MAP3K15: variants seen among roughly 807,000 people sequenced by gnomAD.
MAP3K15 encodes MAPK/ERK kinase kinase 15.
In MAP3K15, 124 loss-of-function variants were observed where a neutral mutation model predicts 99.5. The observed-to-expected ratio is 1.25, with a 90% confidence interval of 1.08 to 1.45. The LOEUF is 1.45. Among genes scored for constraint, MAP3K15 ranks in the 40% most tolerant of loss-of-function variants. The pLI, the probability that MAP3K15 is intolerant of heterozygous loss-of-function variation, is 0.00. For synonymous variants in MAP3K15, 494 were observed against 439.6 expected (o/e 1.12, Z -1.55); for missense variants, 1,242 against 1,079.7 (o/e 1.15, Z -2.11).
chrX:19,496,611 A>C (rs372913113), intron 1 of MAP3K15: 1 of 111,504 alleles, frequency 9.0e-6, no homozygotes, highest in East Asian at 2.8e-4. Flanking sequence ...CACACGCTGC[A>C]GACCCTGACA....
At position 19,423,854 on chromosome X, in the gene MAP3K15, T is replaced by C. The variant is rs148109829; in HGVS notation, c.1439+1677A>G. Among the ~76,000 whole-genome samples the C allele has an allele frequency of 6.9e-3, 771 of 111,658 alleles. 7 individuals are homozygous for C. The highest frequency in any genetic ancestry group is 0.024 in the African/African-American group (745 of 30,744). The stretch of plus-strand genomic sequence containing the variant: ...TGTATCAGTTCGACCTCTAGAGAGG[T>C]TGGAGCTGAGGTATTAATATCAGCT... On this transcript the variant is annotated intron_variant, in intron 9 of 28. Coordinates refer to ENST00000338883, the MANE Select transcript of MAP3K15 (RefSeq NM_001001671.4).
intron 2 of MAP3K15, among the ~76,000 whole-genome samples, chrX:19,487,073 G>T (rs2064332087): frequency 1.1e-5 from 1 of 94,660 alleles, no homozygotes; most frequent in Non-Finnish European, 2.1e-5. Context: ...AGTAAATTTA[G>T]TATGATAATT....
chrX:19,456,595 C>A (rs1030341855), intron 6 of MAP3K15, among the ~76,000 whole-genome samples: 3 of 112,122 alleles, frequency 2.7e-5, no homozygotes, highest in Admixed American at 1.9e-4. Flanking sequence ...TACTTAAGAT[C>A]TGTGCATTTC....
At chrX:19,414,857 C>T (rs113582848) in intron 10 of MAP3K15, among the ~76,000 whole-genome samples, 3,131 of 111,451 alleles carry the variant, frequency 0.028, 115 homozygotes, top group African/African-American at 0.095. Context: ...AAAATGTCTC[C>T]GGACATTACC....
At chrX:19,431,373 C>T in intron 7 of MAP3K15, 65 bp downstream of exon 7, 2 of 1,063,040 alleles carry the variant, frequency 1.9e-6, no homozygotes, top group Non-Finnish European at 2.6e-6. Context: ...GATGCACATC[C>T]TTAGCCTATG....
intron 12 of MAP3K15, among the ~76,000 whole-genome samples, chrX:19,409,126 T>C (rs1301180123): frequency 1.8e-5 from 2 of 111,707 alleles, no homozygotes; most frequent in Non-Finnish European, 3.8e-5. Flanking sequence ...GTTGATGGTA[T>C]CCTAATTTCA....
At chrX:19,467,565 G>T (rs1444718146) in intron 3 of MAP3K15, among the ~76,000 whole-genome samples, 1 of 110,078 alleles carries the variant, frequency 9.1e-6, no homozygotes, top group Non-Finnish European at 1.9e-5. Context: ...ACAGGAGTTA[G>T]AGACCAGCCT....
intron 6 of MAP3K15, among the ~76,000 whole-genome samples, chrX:19,448,526 GA>G (rs2064017440): frequency 9.3e-6 from 1 of 107,733 alleles, no homozygotes. Context: ...TGTTATGGGG[GA>G]AAAAATACCT....
At chrX:19,442,717 CATT>C (rs150920455) in intron 6 of MAP3K15, among the ~76,000 whole-genome samples, 27 of 98,642 alleles carry the variant, frequency 2.7e-4, no homozygotes, top group South Asian at 9.6e-4. Flanking sequence ...TTATTATTAT[CATT>C]ATTATTATTA....
chrX:19,512,270 T>C (rs1312305408), intron 1 of MAP3K15, among the ~76,000 whole-genome samples: 1 of 111,552 alleles, frequency 9.0e-6, no homozygotes, highest in Admixed American at 9.5e-5. Context: ...CCATGGCACA[T>C]GTATACCTAT....
chrX:19,508,432 G>T (rs1466337729), intron 1 of MAP3K15, among the ~76,000 whole-genome samples: 3 of 112,397 alleles, frequency 2.7e-5, no homozygotes, highest in South Asian at 3.7e-4. Context: ...TCAGTCTCCC[G>T]AAGTGCTGGT....
At chrX:19,366,006 C>CA (rs1172350617) in intron 25 of MAP3K15, among the ~76,000 whole-genome samples, 2,791 of 19,654 alleles carry the variant, frequency 0.14, 315 homozygotes, top group African/African-American at 0.19. Context: ...GCCTCCATCT[C>CA]AAAAAAAAAA....
In MAP3K15 at chrX:19,407,231, C is replaced by G. The variant is rs1395255171; in HGVS notation, c.1801G>C (p.Asp601His). The part of the protein sequence containing the change: ...CCFLYVHDNS[D>H]DFQIYFSTEE... ...GTGGAAAAGTAGATTTGAAAGTCAT[C>G]AGAATTATCATGGACATAAAGAAAA... The change falls in exon 13 of 29, where the codon GAT becomes CAT. Residue 601 changes from aspartate to histidine, a missense_variant. Transcript: ENST00000338883. The G allele has an allele frequency of 8.3e-7, 1 of 1,199,610 alleles. No individual in the cohort carries two copies. Among genetic ancestry groups the G allele is most frequent in the Admixed American group, 2.3e-5 (1 of 44,064 alleles).
Position 19,419,300 on chromosome X carries a change from C to T in MAP3K15, c.1440-4043G>A, listed in dbSNP as rs1433686566. Among the ~76,000 whole-genome samples the T allele has an allele frequency of 1.4e-4, 15 of 110,485 alleles. No homozygotes were observed. The East Asian group carries it at 2.0e-3, about 15-fold the overall frequency. On this transcript the variant is annotated intron_variant, in intron 9 of 28. Coordinates refer to ENST00000338883, the MANE Select transcript of MAP3K15 (RefSeq NM_001001671.4). The stretch of plus-strand genomic sequence containing the variant: ...TGCTGTATTCAGGAAACCCATCTCA[C>T]GTGCAGAGACACACATAGGCTCAAA...
chrX:19,510,414 C>T (rs770798805), intron 1 of MAP3K15, among the ~76,000 whole-genome samples: 12 of 112,075 alleles, frequency 1.1e-4, no homozygotes, highest in African/African-American at 2.3e-4. Context: ...CAAACATAAT[C>T]GATCACATAA....
At chrX:19,477,480 C>T (rs1394917054) in intron 3 of MAP3K15, among the ~76,000 whole-genome samples, 22 of 110,651 alleles carry the variant, frequency 2.0e-4, no homozygotes, top group Non-Finnish European at 3.4e-4. Context: ...AAGGCCAAGG[C>T]AGGCAGATCA....
intron 2 of MAP3K15, among the ~76,000 whole-genome samples, chrX:19,487,611 G>A (rs1341752391): frequency 9.0e-6 from 1 of 111,600 alleles, no homozygotes; most frequent in Admixed American, 9.6e-5. Context: ...TCATACAAAT[G>A]ACTTATTAAA....
intron 1 of MAP3K15, among the ~76,000 whole-genome samples, 162 bp downstream of exon 1, chrX:19,514,739 G>C (rs1171720508): frequency 3.0e-4 from 1 of 3,314 alleles, no homozygotes; most frequent in Non-Finnish European, 4.7e-4. Flanking sequence ...GGGGGACTAG[G>C]GGGAGGGGAG....
At chrX:19,373,738 G>A in intron 20 of MAP3K15, 43 bp from the exon 21 acceptor site, 1 of 1,163,123 alleles carries the variant, frequency 8.6e-7, no homozygotes, top group Non-Finnish European at 1.1e-6. Context: ...GACTCAGAGA[G>A]GGACGGGGTG....
Sources: gnomAD v4.1 joint callset for allele counts (sites outside exome capture counted in the v4.1 genomes callset) on GRCh38, gnomAD v4.1.1 for gene constraint, MANE v1.5 for transcripts, NCBI Gene and HGNC (gene_info 2026-07-23, HGNC 2026-07-21) for gene names.